ATRNL1: variants seen among roughly 807,000 people sequenced by gnomAD.
ATRNL1 encodes attractin like 1.
In ATRNL1, 95 loss-of-function variants were observed where a neutral mutation model predicts 182.7. The ratio of observed to expected loss-of-function variants is 0.52; its 90% CI spans 0.44 to 0.62. ATRNL1 has a LOEUF of 0.62. ATRNL1 is among the 20% of genes least tolerant of loss of function. ATRNL1 has a pLI of 0.00. For missense variants in ATRNL1, 1,471 were observed against 1,679.5 expected (o/e 0.88, Z 2.17); for synonymous variants, 576 against 568.3 (o/e 1.01, Z -0.19).
chr10:115,689,716 T>C (rs1343910018), intron 26 of ATRNL1, among the ~76,000 whole-genome samples: 4 of 152,134 alleles, frequency 2.6e-5, no homozygotes, highest in East Asian at 1.9e-4. Context: ...CTGGTGTTGA[T>C]AGTGGCTGTA....
chr10:115,777,430 C>T (rs1949154930), intron 27 of ATRNL1, among the ~76,000 whole-genome samples: 1 of 151,936 alleles, frequency 6.6e-6, no homozygotes, highest in Non-Finnish European at 1.5e-5. Flanking sequence ...CCAATTTTGA[C>T]TTTGTTATAT....
At chr10:115,314,645 T>A (rs1854201761) in intron 17 of ATRNL1, among the ~76,000 whole-genome samples, 1 of 152,188 alleles carries the variant, frequency 6.6e-6, no homozygotes, top group African/African-American at 2.4e-5. Context: ...GAAAAGACTC[T>A]CAGCTTAATG....
chr10:115,312,067 CTA>C (rs1296852162), intron 17 of ATRNL1, among the ~76,000 whole-genome samples: 11 of 151,948 alleles, frequency 7.2e-5, no homozygotes, highest in African/African-American at 2.7e-4. Flanking sequence ...TTCTACCAGT[CTA>C]TGTCTTTTAT....
Position 115,499,898 on chromosome 10 carries a change from T to A in ATRNL1, c.3655-19365T>A, listed in dbSNP as rs144181560. Among the ~76,000 whole-genome samples the A allele has an allele frequency of 2.8e-4, 43 of 152,316 alleles. 1 individual carries two copies. Among genetic ancestry groups the A allele is most frequent in the African/African-American group, 1.0e-3 (42 of 41,570 alleles). On this transcript the variant is annotated intron_variant, in intron 24 of 28. Coordinates refer to ENST00000355044, the MANE Select transcript of ATRNL1 (RefSeq NM_207303.4). ...TTTCACGTTTACTCCTTTTTCCTTT[T>A]AATCATCTTTTGGAGAAAGCATTTC...
chr10:115,580,878 A>C (rs1480413514), intron 26 of ATRNL1, among the ~76,000 whole-genome samples: 2 of 151,914 alleles, frequency 1.3e-5, no homozygotes, highest in African/African-American at 4.8e-5. Context: ...CTTCAACTCT[A>C]TGATTTCTGT....
Position 115,637,887 on chromosome 10 carries a change from G to A in ATRNL1, c.3795+88351G>A, listed in dbSNP as rs55672619. Among the ~76,000 whole-genome samples, 1,342 of 151,834 alleles carry A rather than the reference G, an allele frequency of 8.8e-3. 23 individuals carry two copies. Among genetic ancestry groups the A allele is most frequent in the African/African-American group, 0.031 (1,268 of 41,420 alleles). ...ATCTGCCTGCCTTGGCCTCCCAAAG[G>A]GCTAAGATTACAGGCATGAGCCACC... On this transcript the variant is annotated intron_variant, in intron 26 of 28. Coordinates refer to ENST00000355044, the MANE Select transcript of ATRNL1 (RefSeq NM_207303.4).
chr10:115,208,208 A>G (rs1848877601), intron 8 of ATRNL1, among the ~76,000 whole-genome samples: 1 of 152,040 alleles, frequency 6.6e-6, no homozygotes, highest in Non-Finnish European at 1.5e-5. Flanking sequence ...ACTTGTTATC[A>G]TATTCATGTT....
intron 24 of ATRNL1, among the ~76,000 whole-genome samples, chr10:115,511,600 A>C (rs1554982703): frequency 6.6e-6 from 1 of 151,912 alleles, no homozygotes; most frequent in African/African-American, 2.4e-5. Context: ...TCTTTCATAA[A>C]ATAAGAAATT....
chr10:115,345,782 T>G (rs1166847114), intron 19 of ATRNL1, among the ~76,000 whole-genome samples: 2 of 152,224 alleles, frequency 1.3e-5, no homozygotes, highest in African/African-American at 4.8e-5. Flanking sequence ...TGGCAACCAC[T>G]GCTCTGCTAT....
rs533639454 is a variant in ATRNL1, at chr10:115,936,309, A to G, written c.4019-8349A>G. On this transcript the variant is annotated intron_variant, in intron 28 of 28. Transcript: ENST00000355044. ...ATCCTCACGATGACTTGGTCAAAAG[A>G]ATTCGTGTGCTAGATCCACTAAAAC... is the stretch of plus-strand genomic sequence containing the variant. Among the ~76,000 whole-genome samples, 175 of 152,306 alleles carry G rather than the reference A, an allele frequency of 1.1e-3. 1 individual carries two copies. Among genetic ancestry groups the G allele is most frequent in the African/African-American group, 4.1e-3 (169 of 41,566 alleles).
chr10:115,688,824 C>T (rs1946301215), intron 26 of ATRNL1, among the ~76,000 whole-genome samples: 6 of 151,952 alleles, frequency 3.9e-5, no homozygotes, highest in African/African-American at 2.4e-5. Flanking sequence ...GTATTATCCC[C>T]CCTTTTTTAT....
At chr10:115,891,776 G>C (rs1555111332) in intron 28 of ATRNL1, among the ~76,000 whole-genome samples, 1 of 152,142 alleles carries the variant, frequency 6.6e-6, no homozygotes. Context: ...TTATCTGGCT[G>C]AGGTTGATTT....
chr10:115,117,410 A>C (rs1361666474), intron 1 of ATRNL1, among the ~76,000 whole-genome samples: 1 of 151,918 alleles, frequency 6.6e-6, no homozygotes, highest in East Asian at 1.9e-4. Flanking sequence ...CCATGGGTTC[A>C]ATTGTTTTGC....
intron 27 of ATRNL1, among the ~76,000 whole-genome samples, chr10:115,763,451 T>G (rs2134150199): frequency 6.6e-6 from 1 of 152,290 alleles, no homozygotes; most frequent in East Asian, 1.9e-4. Flanking sequence ...GGGCAGTATT[T>G]GAGCAGGATC....
At chr10:115,156,498 T>C (rs528391342) in intron 5 of ATRNL1, among the ~76,000 whole-genome samples, 61 of 152,276 alleles carry the variant, frequency 4.0e-4, no homozygotes, top group Admixed American at 1.8e-3. Flanking sequence ...GCTGGACATA[T>C]ACATTTGGGA....
At chr10:115,515,491 T>C (rs1554983692) in intron 24 of ATRNL1, among the ~76,000 whole-genome samples, 1 of 151,822 alleles carries the variant, frequency 6.6e-6, no homozygotes, top group African/African-American at 2.4e-5. Context: ...TGTGAAATTA[T>C]AGTTTTAATT....
At chr10:115,799,128 C>G (rs757263103) in intron 27 of ATRNL1, among the ~76,000 whole-genome samples, 1 of 152,082 alleles carries the variant, frequency 6.6e-6, no homozygotes, top group Non-Finnish European at 1.5e-5. Context: ...AATAAGCTTT[C>G]TTTACGTCGG....
intron 24 of ATRNL1, among the ~76,000 whole-genome samples, chr10:115,498,859 C>T (rs543121068): frequency 6.6e-6 from 1 of 152,070 alleles, no homozygotes; most frequent in South Asian, 2.1e-4. Context: ...GAAATACTTG[C>T]TACTTTCAGC....
chr10:115,280,130 C>T (rs1209426786), intron 13 of ATRNL1, among the ~76,000 whole-genome samples: 1 of 152,130 alleles, frequency 6.6e-6, no homozygotes, highest in African/African-American at 2.4e-5. Context: ...AACTGCAAAT[C>T]CCTCATAGGT....
Sources: allele counts gnomAD v4.1 joint callset (sites outside exome capture counted in the v4.1 genomes callset), GRCh38; gene constraint gnomAD v4.1.1; transcripts MANE v1.5; gene names NCBI Gene and HGNC (gene_info 2026-07-23, HGNC 2026-07-21).